The following EML6 variants were observed in gnomAD, a reference collection of about 807,000 sequenced individuals.
EML6 encodes echinoderm microtubule-associated protein-like 6.
Under a neutral mutation model 240.1 loss-of-function variants are expected in EML6, and 154 were observed. The observed-to-expected ratio is 0.64, with a 90% CI of 0.56 to 0.73. The LOEUF is 0.73. Among genes scored for constraint, EML6 ranks in the 30% least tolerant of loss-of-function variants. The pLI is 0.00. For missense variants in EML6, 2,964 were observed against 2,474.6 expected, an observed-to-expected ratio of 1.20 and a Z score of -4.20; for synonymous variants, 1,148 against 899.0, an observed-to-expected ratio of 1.28 and a Z score of -4.95.
intron 19 of EML6, among the ~76,000 whole-genome samples, chr2:54,894,653 G>T (rs1035113707): frequency 6.6e-6 from 1 of 152,204 alleles, no homozygotes; most frequent in Non-Finnish European, 1.5e-5. Context: ...TCCTTGATCA[G>T]TGGGCCAGCT....
At chr2:54,838,989 A>C (rs574119398) in intron 7 of EML6, among the ~76,000 whole-genome samples, 1 of 152,224 alleles carries the variant, frequency 6.6e-6, no homozygotes, top group Admixed American at 6.5e-5. Flanking sequence ...ATACTAGCTT[A>C]TATTTCTCTG....
chr2:54,821,790 C>T (rs1367904007), intron 5 of EML6, among the ~76,000 whole-genome samples: 2 of 152,030 alleles, frequency 1.3e-5, no homozygotes, highest in African/African-American at 4.8e-5. Flanking sequence ...AAAGTCAATA[C>T]TTCATACTAT....
intron 2 of EML6, among the ~76,000 whole-genome samples, chr2:54,811,826 G>C (rs1048690965): frequency 9.2e-5 from 14 of 152,158 alleles, no homozygotes; most frequent in Non-Finnish European, 2.1e-4. Flanking sequence ...CTTTCTTATT[G>C]ATAATCTCTC....
intron 8 of EML6, among the ~76,000 whole-genome samples, chr2:54,845,418 A>G (rs1367185503): frequency 6.6e-6 from 1 of 152,226 alleles, no homozygotes; most frequent in Non-Finnish European, 1.5e-5. Context: ...TGTTTCAACA[A>G]TTGTTAAGTC....
At chr2:54,740,185 A>G (rs354197) in intron 2 of EML6, among the ~76,000 whole-genome samples, 39,602 of 152,010 alleles carry the variant, frequency 0.26, 6,127 homozygotes, top group East Asian at 0.55. Context: ...TGAGAGTTTC[A>G]GTGTATGTGT....
At chr2:54,968,426 C>G in intron 40 of EML6, 145 bp downstream of exon 40, 1 of 834,022 alleles carries the variant, frequency 1.2e-6, no homozygotes, top group Non-Finnish European at 1.9e-6. Context: ...TTTTTCACCT[C>G]CTGGAGGGGC....
At chr2:54,902,093 G>C (rs1379374252) in intron 22 of EML6, among the ~76,000 whole-genome samples, 1 of 152,132 alleles carries the variant, frequency 6.6e-6, no homozygotes, top group Non-Finnish European at 1.5e-5. Flanking sequence ...ACAATCCGTG[G>C]ATCAGAGAAT....
At chr2:54,856,361 G>T (rs1417576601) in intron 11 of EML6, among the ~76,000 whole-genome samples, 1 of 152,100 alleles carries the variant, frequency 6.6e-6, no homozygotes, top group Non-Finnish European at 1.5e-5. Context: ...GGGAGACTCA[G>T]AGGCTCTCCA....
At chr2:54,911,568 C>T (rs1673640168) in intron 25 of EML6, among the ~76,000 whole-genome samples, 1 of 151,828 alleles carries the variant, frequency 6.6e-6, no homozygotes, top group Non-Finnish European at 1.5e-5. Context: ...TAGCTGGGAT[C>T]ATAGGCATCT....
At chr2:54,897,353 C>A (rs770425608) in intron 21 of EML6, among the ~76,000 whole-genome samples, 1 of 152,184 alleles carries the variant, frequency 6.6e-6, no homozygotes, top group Non-Finnish European at 1.5e-5. Context: ...AGAAAAATAA[C>A]CACAGCAATC....
intron 2 of EML6, among the ~76,000 whole-genome samples, chr2:54,791,697 G>C (rs1484690829): frequency 2.0e-5 from 3 of 152,150 alleles, no homozygotes; most frequent in East Asian, 1.9e-4. Context: ...GCAGGCTAGA[G>C]CCAAGAGAAC....
chr2:54,857,615 C>A (rs375240938), intron 11 of EML6, among the ~76,000 whole-genome samples: 2 of 152,098 alleles, frequency 1.3e-5, no homozygotes, highest in East Asian at 3.9e-4. Flanking sequence ...ACAGTGGGAG[C>A]AGAGAATGCT....
chr2:54,957,716 C>T (rs1676296541), intron 32 of EML6, 74 bp from the exon 33 acceptor site: 16 of 1,390,742 alleles, frequency 1.2e-5, no homozygotes, highest in Middle Eastern at 2.4e-4. Flanking sequence ...GGGTGGAGAC[C>T]TCCTGGGCTG....
chr2:54,789,355 T>A (rs1411937396), intron 2 of EML6, among the ~76,000 whole-genome samples: 2 of 149,320 alleles, frequency 1.3e-5, no homozygotes, highest in Non-Finnish European at 3.0e-5. Context: ...CTACTAAAAA[T>A]ACAAAAAAAT....
At chr2:54,919,427 T>A (rs191984861) in intron 26 of EML6, among the ~76,000 whole-genome samples, 1 of 152,316 alleles carries the variant, frequency 6.6e-6, no homozygotes, top group Non-Finnish European at 1.5e-5. Context: ...TGGACACTTT[T>A]CCTTTCTTCT....
At chr2:54,860,043 T>C (rs1254569811) in intron 12 of EML6, among the ~76,000 whole-genome samples, 1 of 152,010 alleles carries the variant, frequency 6.6e-6, no homozygotes, top group Non-Finnish European at 1.5e-5. Context: ...GTCATACAAG[T>C]TGAGAAACTC....
At chr2:54,853,947 T>G (rs1005720287) in intron 11 of EML6, 92 bp downstream of exon 11, 1 of 676,136 alleles carries the variant, frequency 1.5e-6, no homozygotes, top group Admixed American at 3.4e-5. Flanking sequence ...TCTATTCCAA[T>G]GCACTGTTTA....
Position 54,964,022 on chromosome 2 carries a change from A to G in EML6, c.5194A>G (p.Arg1732Gly). ...LNKVSLGHAA[R>G]CAAYSPDGEM... ...CAAGGTGAGCTTGGGCCATGCGGCCAGGTGTGCAGCCTACAGCCCTGATGG... is the reference window on the plus strand; with the variant it reads ...CAAGGTGAGCTTGGGCCATGCGGCCGGGTGTGCAGCCTACAGCCCTGATGG... Residue 1732 changes from arginine to glycine, a missense_variant, in exon 37 of 42, where the codon AGG (arginine) becomes GGG (glycine). By Grantham distance (125) the Arg-to-Gly change is moderately radical. Transcript: ENST00000356458. 6.4e-7 allele frequency: 1 copy of G among 1,551,626 alleles called. No homozygotes were observed. Among genetic ancestry groups the G allele is most frequent in the Non-Finnish European group, 8.7e-7 (1 of 1,146,950 alleles).
At chr2:54,843,952 T>C in intron 7 of EML6, 95 bp from the exon 8 acceptor site, 1 of 900,120 alleles carries the variant, frequency 1.1e-6, no homozygotes, top group Non-Finnish European at 1.7e-6. Context: ...AAAGGGCATT[T>C]ACTTTAGGGT....
Sources: gnomAD v4.1 joint callset for allele counts (sites outside exome capture counted in the v4.1 genomes callset) on GRCh38, gnomAD v4.1.1 for gene constraint, MANE v1.5 for transcripts, NCBI Gene and HGNC (gene_info 2026-07-23, HGNC 2026-07-21) for gene names.